Variants in RPH3A observed in about 807,000 individuals in gnomAD.
RPH3A encodes rabphilin-3A.
A neutral mutation model predicts 102.2 loss-of-function variants in RPH3A; 48 were observed. The observed-to-expected ratio is 0.47, with a 90% CI of 0.37 to 0.60. The LOEUF is 0.60. RPH3A is among the 20% of genes least tolerant of loss of function. The pLI is 0.00. For missense variants in RPH3A, 781 were observed against 910.1 expected (o/e 0.86, Z 1.83); for synonymous variants, 310 against 324.3 (o/e 0.96, Z 0.47).
At chr12:112,682,520 TC>T (rs1337791526) in intron 1 of RPH3A, among the ~76,000 whole-genome samples, 2 of 152,100 alleles carry the variant, frequency 1.3e-5, no homozygotes, top group East Asian at 3.8e-4. Context: ...TTTAACCCAG[TC>T]AAGTTAACAC....
chr12:112,848,811 G>C (rs1014053400), intron 5 of RPH3A, among the ~76,000 whole-genome samples: 1 of 152,110 alleles, frequency 6.6e-6, no homozygotes, highest in Non-Finnish European at 1.5e-5. Flanking sequence ...GGAGCTGGGG[G>C]ACTGGGGAAA....
At chr12:112,689,448 T>C (rs1459904072) in intron 1 of RPH3A, among the ~76,000 whole-genome samples, 1 of 152,186 alleles carries the variant, frequency 6.6e-6, no homozygotes, top group African/African-American at 2.4e-5. Flanking sequence ...ATGAAGACCG[T>C]ATATATTCAA....
intron 1 of RPH3A, among the ~76,000 whole-genome samples, chr12:112,672,438 C>T (rs1261183964): frequency 6.6e-6 from 1 of 152,242 alleles, no homozygotes; most frequent in Non-Finnish European, 1.5e-5. Context: ...CTAGCCATCA[C>T]AGGCTTTGAT....
intron 1 of RPH3A, among the ~76,000 whole-genome samples, chr12:112,613,405 C>G (rs983620867): frequency 2.6e-5 from 4 of 152,106 alleles, no homozygotes; most frequent in African/African-American, 9.7e-5. Flanking sequence ...TGGATCCTGG[C>G]TCTGCCTCTG....
rs11066359 is a variant in RPH3A at position 112,607,850 on chromosome 12, C to T, written c.-140+32531C>T. Among the ~76,000 whole-genome samples the T allele has an allele frequency of 0.013, 2,005 of 152,222 alleles. 283 individuals carry two copies. In the East Asian group the frequency reaches 0.33, roughly 25 times the overall value. ...TCCATTAAATGCACTGTTCTTTGCT[C>T]GACATGTAGTTCATTTTATGGCGAA... On this transcript the variant is annotated intron_variant, in intron 1 of 21. Transcript: ENST00000543106.
At chr12:112,845,507 C>G (rs897326325) in intron 4 of RPH3A, among the ~76,000 whole-genome samples, 13 of 152,196 alleles carry the variant, frequency 8.5e-5, no homozygotes, top group Non-Finnish European at 1.9e-4. Flanking sequence ...CCTGTGCGAA[C>G]AGGGGGCCCT....
chr12:112,632,670 C>A (rs1004357855), intron 1 of RPH3A, among the ~76,000 whole-genome samples: 6 of 152,106 alleles, frequency 3.9e-5, no homozygotes, highest in African/African-American at 1.4e-4. Context: ...TTTTTGTGTC[C>A]CCTCTCCTTC....
chr12:112,790,104 T>G (rs2041082188), upstream of RPH3A, among the ~76,000 whole-genome samples: 1 of 151,932 alleles, frequency 6.6e-6, no homozygotes, highest in South Asian at 2.1e-4. Flanking sequence ...TTGCCCAGGT[T>G]GGAGTGTAAT....
At chr12:112,645,440 C>T (rs2039921943) in intron 1 of RPH3A, among the ~76,000 whole-genome samples, 1 of 152,110 alleles carries the variant, frequency 6.6e-6, no homozygotes, top group African/African-American at 2.4e-5. Context: ...AGTTTATTGC[C>T]AGGAAAATTT....
chr12:112,752,650 A>C (rs968532233), intron 1 of RPH3A, among the ~76,000 whole-genome samples: 4 of 151,804 alleles, frequency 2.6e-5, no homozygotes, highest in African/African-American at 9.7e-5. Flanking sequence ...AATTTTAAAA[A>C]ATTTGCTTCT....
intron 1 of RPH3A, among the ~76,000 whole-genome samples, chr12:112,771,714 A>G (rs10850078): frequency 0.5 from 75,635 of 152,070 alleles, 19,995 homozygotes; most frequent in East Asian, 0.69. Context: ...TCATATGCTT[A>G]CCAACACAAT....
intron 2 of RPH3A, among the ~76,000 whole-genome samples, chr12:112,821,324 C>T (rs1189111325): frequency 6.6e-6 from 1 of 152,226 alleles, no homozygotes; most frequent in Non-Finnish European, 1.5e-5. Flanking sequence ...AGAATATACT[C>T]AGCTTGCATC....
At position 112,869,801 on chromosome 12, in the gene RPH3A, G is replaced by T. The variant is rs765569272; in HGVS notation, c.649+4G>T. The T allele has an allele frequency of 3.1e-6, 5 of 1,613,988 alleles. No individual in the cohort carries two copies. The African/African-American group carries it at 5.3e-5, about 17-fold the overall frequency. ...AGGGGCCCGGGTCAGAAGACAGGTG[G>T]GTTCTGCTGACTCTGTTTTGTCATT... On this transcript the variant is annotated splice_donor_region_variant and intron_variant, in intron 9 of 21. Transcript: ENST00000389385.
chr12:112,687,549 T>A (rs138147389), intron 1 of RPH3A, among the ~76,000 whole-genome samples: 1 of 152,192 alleles, frequency 6.6e-6, no homozygotes, highest in Non-Finnish European at 1.5e-5. Context: ...TTGGAATGAC[T>A]ATCAGACCAG....
At chr12:112,756,736 T>C (rs910007894) in intron 1 of RPH3A, among the ~76,000 whole-genome samples, 6 of 152,218 alleles carry the variant, frequency 3.9e-5, no homozygotes, top group African/African-American at 1.4e-4. Context: ...TTTGTGCAAG[T>C]CCAAACATTT....
chr12:112,897,565 C>G lies in RPH3A; in HGVS notation c.*785C>G, dbSNP rs985857863. 1 of 152,518 alleles carries G rather than the reference C, an allele frequency of 6.6e-6. No homozygotes were observed. The highest frequency in any genetic ancestry group is 1.5e-5 in the Non-Finnish European group (1 of 68,276). 9.4% of individuals were successfully genotyped at this position (152,518 alleles called of 1,614,324 possible). ...AGCCTCTCCCCTCTCCTTTCTCTCC[C>G]TGCCTTTCTTCCCTTTGCCTTTCTC... On this transcript the variant is annotated 3_prime_UTR_variant, in exon 22 of 22. Transcript: ENST00000389385.
intron 1 of RPH3A, among the ~76,000 whole-genome samples, chr12:112,783,680 A>G (rs2041024559): frequency 1.3e-5 from 2 of 152,216 alleles, no homozygotes; most frequent in Non-Finnish European, 1.5e-5. Flanking sequence ...TGTACATATT[A>G]TTATTAGTAT....
rs12300706 is a variant in RPH3A, at chr12:112,673,205, A to G, written c.-140+97886A>G. 6.6e-3 allele frequency among the ~76,000 whole-genome samples: 1,009 copies of G among 152,286 alleles called. 17 individuals are homozygous for G. Among genetic ancestry groups the G allele is most frequent in the African/African-American group, 0.023 (956 of 41,564 alleles). On this transcript the variant is annotated intron_variant, in intron 1 of 21. Transcript: ENST00000543106. ...CGGGCGATAAAATTAAAGAATTATT[A>G]TCACCAAACACTTTGTTGTTCTCTC...
intron 1 of RPH3A, among the ~76,000 whole-genome samples, chr12:112,610,777 G>A (rs1028872356): frequency 2.6e-5 from 4 of 151,790 alleles, no homozygotes; most frequent in African/African-American, 7.3e-5. Flanking sequence ...GACTACAGGC[G>A]CCTGCCGCCA....
Sources: allele counts gnomAD v4.1 joint callset (sites outside exome capture counted in the v4.1 genomes callset), GRCh38; gene constraint gnomAD v4.1.1; transcripts MANE v1.5; gene names NCBI Gene and HGNC (gene_info 2026-07-23, HGNC 2026-07-21).